VPS13D: variants seen among roughly 807,000 people sequenced by gnomAD.
The protein encoded by VPS13D is intermembrane lipid transfer protein VPS13D.
In VPS13D, 187 loss-of-function variants were observed where a neutral mutation model predicts 461.9. The ratio of observed to expected loss-of-function variants is 0.40; its 90% CI spans 0.36 to 0.46. The LOEUF is 0.46. VPS13D is among the 20% of genes least tolerant of loss of function. The pLI is 0.60. For missense variants in VPS13D, 4,711 were observed against 5,364.9 expected (o/e 0.88, Z 3.81); for synonymous variants, 1,951 against 1,986.3 (o/e 0.98, Z 0.47).
At chr1:12,425,373 A>G (rs1231786974) in intron 65 of VPS13D, among the ~76,000 whole-genome samples, 1 of 152,052 alleles carries the variant, frequency 6.6e-6, no homozygotes, top group Non-Finnish European at 1.5e-5. Flanking sequence ...GCATGACCCA[A>G]CATGGTGAAA....
Position 12,415,152 on chromosome 1 carries a change from A to G in VPS13D, c.12096A>G (p.Pro4032=). The G allele has an allele frequency of 1.9e-6, 3 of 1,614,166 alleles. No individual in the cohort carries two copies. Among genetic ancestry groups the G allele is most frequent in the East Asian group, 2.2e-5 (1 of 44,876 alleles). Residue 4032 remains proline (P), a synonymous_variant, in exon 64 of 70, where the codon CCA becomes CCG. Coordinates refer to ENST00000620676, the MANE Select transcript of VPS13D (RefSeq NM_015378.4). Reference sequence around the variant, plus strand: ...AAGACGCTGTGATTAATCTAGATCCATTCACTCGGGTACATCCCTATGAGA... The same window carrying G: ...AAGACGCTGTGATTAATCTAGATCCGTTCACTCGGGTACATCCCTATGAGA... The part of the protein sequence containing the change: ...RFEDAVINLD[P]FTRVHPYETK...
chr1:12,464,159 C>A (rs1187558182), intron 67 of VPS13D, among the ~76,000 whole-genome samples: 2 of 152,204 alleles, frequency 1.3e-5, no homozygotes, highest in South Asian at 2.1e-4. Flanking sequence ...TAACCATCTC[C>A]AACCATCCCG....
intron 29 of VPS13D, 133 bp downstream of exon 29, chr1:12,312,058 T>G: frequency 1.8e-6 from 1 of 558,362 alleles, no homozygotes; most frequent in Non-Finnish European, 2.9e-6. Context: ...TGTCTTTTGG[T>G]TGATCTACAC....
intron 24 of VPS13D, among the ~76,000 whole-genome samples, chr1:12,298,412 G>T (rs1261894304): frequency 6.6e-6 from 1 of 152,108 alleles, no homozygotes; most frequent in Non-Finnish European, 1.5e-5. Flanking sequence ...GGCCAAGACG[G>T]GTGGATCACA....
Position 12,260,699 on chromosome 1 carries a change from A to G in VPS13D, c.1117A>G (p.Met373Val), listed in dbSNP as rs771538100. 2 of 1,614,086 alleles carry G rather than the reference A, an allele frequency of 1.2e-6. No homozygotes were observed. Among genetic ancestry groups the G allele is most frequent in the Non-Finnish European group, 1.7e-6 (2 of 1,179,988 alleles). Reference protein sequence around the residue: ...GLLSTDDKEEMCRIEEEQSFE... With the variant: ...GLLSTDDKEEVCRIEEEQSFE... ...TTTGTTTTCACCCAAACAGGAGGAA[A>G]TGTGTCGGATTGAAGAGGAACAGAG... The change falls in exon 11 of 70, where the codon ATG becomes GTG. Residue 373 changes from methionine to valine, a missense_variant. Met to Val is a conservative substitution (Grantham distance 21). Around this residue, in one of 3 missense-constraint regions of VPS13D, gnomAD observed 4,411 missense variants for 4,937.8 expected, o/e 0.89. Coordinates refer to ENST00000620676, the MANE Select transcript of VPS13D (RefSeq NM_015378.4).
intron 55 of VPS13D, among the ~76,000 whole-genome samples, chr1:12,375,689 C>T (rs977172340): frequency 2.6e-5 from 4 of 152,220 alleles, no homozygotes; most frequent in African/African-American, 7.2e-5. Context: ...CCCTGTCCTT[C>T]GCAGGAATGC....
intron 67 of VPS13D, chr1:12,478,458 G>T (rs546171949): frequency 5.0e-5 from 11 of 218,040 alleles, no homozygotes; most frequent in South Asian, 3.9e-4. Context: ...TCATTAAGGC[G>T]TGTAATACAG....
chr1:12,451,385 G>A (rs1645260443), intron 65 of VPS13D, among the ~76,000 whole-genome samples: 1 of 152,208 alleles, frequency 6.6e-6, no homozygotes, highest in Non-Finnish European at 1.5e-5. Flanking sequence ...TTGGACTGTG[G>A]CCAGAATTCA....
At chr1:12,240,104 A>G (rs1333929223) in intron 2 of VPS13D, among the ~76,000 whole-genome samples, 2 of 152,034 alleles carry the variant, frequency 1.3e-5, no homozygotes, top group Non-Finnish European at 2.9e-5. Context: ...GGCTTGGTGT[A>G]GGCTGTTGTT....
intron 6 of VPS13D, among the ~76,000 whole-genome samples, chr1:12,250,847 C>T (rs1387509983): frequency 6.6e-6 from 1 of 152,276 alleles, no homozygotes; most frequent in East Asian, 1.9e-4. Context: ...TTTATTAGAT[C>T]CCAGCCATGC....
chr1:12,329,877 A>T lies in VPS13D; in HGVS notation c.8246A>T (p.His2749Leu). The change falls in exon 37 of 70, where the codon CAC becomes CTC. Residue 2749 changes from histidine to leucine, a missense_variant. His to Leu is a moderately conservative substitution (Grantham distance 99). Around this residue, in one of 3 missense-constraint regions of VPS13D, gnomAD observed 4,411 missense variants for 4,937.8 expected, o/e 0.89. Coordinates refer to ENST00000620676, the MANE Select transcript of VPS13D (RefSeq NM_015378.4). ...AGAACTAGCCCTGAAGGCTATGCCC[A>T]CTTCACCCTTTCTGGAGATTATTAT... The part of the protein sequence containing the change: ...RVRTSPEGYA[H>L]FTLSGDYYNR... 1 of 1,614,132 alleles carries T rather than the reference A, an allele frequency of 6.2e-7. No individual in the cohort carries two copies. Among genetic ancestry groups the T allele is most frequent in the Non-Finnish European group, 8.5e-7 (1 of 1,180,016 alleles).
chr1:12,379,827 G>T (rs1644248710), intron 57 of VPS13D, among the ~76,000 whole-genome samples: 1 of 151,014 alleles, frequency 6.6e-6, no homozygotes, highest in African/African-American at 2.4e-5. Context: ...GGAGTGCAGT[G>T]GCACAATCTC....
At chr1:12,429,177 A>G (rs1644962324) in intron 65 of VPS13D, among the ~76,000 whole-genome samples, 1 of 151,920 alleles carries the variant, frequency 6.6e-6, no homozygotes, top group Non-Finnish European at 1.5e-5. Context: ...AAAGTGATCC[A>G]GGTTGTATCC....
At position 12,509,304 on chromosome 1, in the gene VPS13D, C is replaced by T. The variant is rs1061030; in HGVS notation, c.*280C>T. The stretch of plus-strand genomic sequence containing the variant: ...AGATGAATCTAATTTTTAGATTGCC[C>T]TGTATTTTGTTAACATGTATATATG... On this transcript the variant is annotated 3_prime_UTR_variant, in exon 70 of 70. Transcript: ENST00000620676. The T allele has an allele frequency of 0.05, 18,771 of 374,654 alleles. 558 individuals carry two copies. Among genetic ancestry groups the T allele is most frequent in the East Asian group, 0.073 (1,413 of 19,332 alleles). 23.2% of individuals were successfully genotyped at this position (374,654 alleles called of 1,614,324 possible).
At chr1:12,476,040 G>C (rs551112901) in intron 67 of VPS13D, among the ~76,000 whole-genome samples, 77 of 152,330 alleles carry the variant, frequency 5.1e-4, no homozygotes, top group African/African-American at 1.8e-3. Context: ...TGGCCACAGT[G>C]CTAGAGTAAA....
chr1:12,343,164 AT>A (rs1265991684), intron 42 of VPS13D, 113 bp downstream of exon 42: 10 of 875,902 alleles, frequency 1.1e-5, no homozygotes, highest in Non-Finnish European at 1.4e-5. Flanking sequence ...ATTTTATTTT[AT>A]CTTATCTTAT....
At chr1:12,459,654 T>G (rs1218780194) in intron 66 of VPS13D, among the ~76,000 whole-genome samples, 3 of 152,044 alleles carry the variant, frequency 2.0e-5, no homozygotes, top group African/African-American at 7.2e-5. Flanking sequence ...AATTTTTGTA[T>G]TTTTAGTAAA....
At chr1:12,317,185 A>G (rs1196640425) in intron 30 of VPS13D, among the ~76,000 whole-genome samples, 2 of 152,128 alleles carry the variant, frequency 1.3e-5, no homozygotes, top group Non-Finnish European at 2.9e-5. Context: ...TAGACGTCAA[A>G]GAAGGAGTGC....
chr1:12,451,985 C>A (rs1462226583), intron 65 of VPS13D, among the ~76,000 whole-genome samples: 2 of 152,172 alleles, frequency 1.3e-5, no homozygotes, highest in Non-Finnish European at 2.9e-5. Context: ...AAAACAGAGG[C>A]CCGCAAAGGT....
Sources: gnomAD v4.1 joint callset for allele counts (sites outside exome capture counted in the v4.1 genomes callset) on GRCh38, gnomAD v4.1.1 for gene constraint, gnomAD v4.1.1 regional missense constraint, MANE v1.5 for transcripts, NCBI Gene and HGNC (gene_info 2026-07-23, HGNC 2026-07-21) for gene names.